ZFAND2B: variants seen among roughly 807,000 people sequenced by gnomAD.
ZFAND2B encodes zinc finger AN1-type containing 2B.
ZFAND2B carries 27 observed loss-of-function variants against 38.2 expected under a neutral mutation model. That is an observed-to-expected ratio of 0.71 (90% CI 0.52 to 0.97). ZFAND2B has a LOEUF of 0.97. ZFAND2B is among the 50% of genes least tolerant of loss of function. The pLI, the probability that ZFAND2B is intolerant of heterozygous loss-of-function variation, is 0.00. For synonymous variants in ZFAND2B, 111 were observed against 119.4 expected (o/e 0.93, Z 0.46); for missense variants, 303 against 331.5 (o/e 0.91, Z 0.67).
In ZFAND2B at chr2:219,206,790, G is replaced by A; in HGVS notation, c.-198G>A. On this transcript the variant is annotated 5_prime_UTR_variant, in exon 1 of 9. Transcript: ENST00000289528. Reference sequence around the variant, plus strand: ...CAGCCCTGCGGGATGACGTCAGCGCGCCGCGCGCGCCGAGGGAGGAGCGGG... The same window carrying A: ...CAGCCCTGCGGGATGACGTCAGCGCACCGCGCGCGCCGAGGGAGGAGCGGG... 2.1e-6 allele frequency: 1 copy of A among 477,886 alleles called. No homozygotes were observed. Among genetic ancestry groups the A allele is most frequent in the Non-Finnish European group, 3.5e-6 (1 of 283,360 alleles). The allele number at this position is 477,886 out of a possible 1,614,324, so 29.6% of individuals were successfully genotyped here.
chr2:219,207,573 A>G, intron 2 of ZFAND2B, 75 bp from the exon 3 acceptor site: 1 of 1,602,042 alleles, frequency 6.2e-7, no homozygotes, highest in African/African-American at 1.3e-5. Context: ...GGTGGGTCAT[A>G]TCCAAGTTCT....
At chr2:219,207,297 T>G (rs1225486757) in intron 1 of ZFAND2B, 30 bp from the exon 2 acceptor site, 2 of 1,602,540 alleles carry the variant, frequency 1.2e-6, no homozygotes, top group Admixed American at 1.7e-5. Flanking sequence ...GAGGTCCCGC[T>G]GGACCTGCAA....
intron 1 of ZFAND2B, 63 bp downstream of exon 1, chr2:219,207,105 G>T: frequency 1.4e-6 from 2 of 1,420,824 alleles, no homozygotes; most frequent in Non-Finnish European, 9.6e-7. Context: ...CGCAGGTTGG[G>T]AGGGAAGGGT....
At chr2:219,207,163 GGGGT>G (rs1950497550) in intron 1 of ZFAND2B, 121 bp downstream of exon 1, 1 of 1,253,548 alleles carries the variant, frequency 8.0e-7, no homozygotes, top group Non-Finnish European at 1.1e-6. Flanking sequence ...AAGCTGGGGG[GGGGT>G]GGTCAGCGGC....
In ZFAND2B at chr2:219,206,790, G is replaced by C. The variant is rs2106413230; in HGVS notation, c.-198G>C. ...CAGCCCTGCGGGATGACGTCAGCGC[G>C]CCGCGCGCGCCGAGGGAGGAGCGGG... On this transcript the variant is annotated 5_prime_UTR_variant, in exon 1 of 9. Coordinates refer to ENST00000289528, the MANE Select transcript of ZFAND2B (RefSeq NM_138802.3). 2 of 477,886 alleles carry C rather than the reference G, an allele frequency of 4.2e-6. No individual in the cohort carries two copies. Among genetic ancestry groups the C allele is most frequent in the South Asian group, 4.5e-5 (1 of 22,304 alleles). The allele number at this position is 477,886 out of a possible 1,614,324, so 29.6% of individuals were successfully genotyped here.
Position 219,207,431 on chromosome 2 carries a change from C to T in ZFAND2B, c.150+10C>T. ...ATCTGCTTACCAAAAGGTGAGGGGG[C>T]GATCCTCAGGGTGAAAGCAGGCAGA... is the stretch of plus-strand genomic sequence containing the variant. On this transcript the variant is annotated intron_variant, in intron 2 of 8. Transcript: ENST00000289528. 2.5e-6 allele frequency: 4 copies of T among 1,606,924 alleles called. No homozygotes were observed. The highest frequency in any genetic ancestry group is 1.3e-5 in the African/African-American group (1 of 74,896).
In ZFAND2B at chr2:219,208,496, G is replaced by A. The variant is rs374781029; in HGVS notation, c.588+10G>A. ...TTTGCAGAATGGCCTGGTGAGTTGG[G>A]CAGAGGTTGGATGGACAGAAACAAA... On this transcript the variant is annotated intron_variant, in intron 6 of 8. Transcript: ENST00000289528. 19 of 1,614,156 alleles carry A rather than the reference G, an allele frequency of 1.2e-5. No homozygotes were observed. Among genetic ancestry groups the A allele is most frequent in the Non-Finnish European group, 1.5e-5 (18 of 1,180,060 alleles).
At chr2:219,208,522 C>T (rs372843631) in intron 6 of ZFAND2B, 36 bp downstream of exon 6, 2 of 1,614,104 alleles carry the variant, frequency 1.2e-6, no homozygotes, top group South Asian at 1.1e-5. Context: ...CAGAAACAAA[C>T]ACACAGAGAG....
chr2:219,206,902 C>A lies in ZFAND2B; in HGVS notation c.-86C>A. On this transcript the variant is annotated 5_prime_UTR_variant, in exon 1 of 9. Transcript: ENST00000289528. The stretch of plus-strand genomic sequence containing the variant: ...GCGGGGCAGGGAGCCCGCCAGAGTG[C>A]GGGGTCGCGGTGCGGACTTCGAGCA... 6.9e-7 allele frequency: 1 copy of A among 1,443,866 alleles called. No individual in the cohort carries two copies. Among genetic ancestry groups the A allele is most frequent in the Non-Finnish European group, 9.5e-7 (1 of 1,052,614 alleles). The allele number at this position is 1,443,866 out of a possible 1,614,324, so 89.4% of individuals were successfully genotyped here. A position where few individuals can be genotyped will look rare whatever the true frequency, so the allele number is the denominator to read the frequency against.
At chr2:219,207,065 G>A (rs771167879) in intron 1 of ZFAND2B, 23 bp downstream of exon 1, 2 of 1,590,736 alleles carry the variant, frequency 1.3e-6, no homozygotes, top group Non-Finnish European at 1.7e-6. Flanking sequence ...GCGCGCGGGG[G>A]GCGGGGCCCA....
At chr2:219,209,182 T>A in intron 8 of ZFAND2B, 80 bp from the exon 9 acceptor site, 1 of 1,570,882 alleles carries the variant, frequency 6.4e-7, no homozygotes, top group Non-Finnish European at 8.7e-7. Context: ...CAGCCCATGC[T>A]GAGCTCTGAA....
intron 7 of ZFAND2B, 51 bp from the exon 8 acceptor site, chr2:219,208,926 T>C: frequency 6.3e-7 from 1 of 1,593,102 alleles, no homozygotes; most frequent in East Asian, 2.2e-5. Context: ...GATCAGATGT[T>C]CAAATTTCAG....
Position 219,207,582 on chromosome 2 carries a change from C to T in ZFAND2B, c.151-66C>T, listed in dbSNP as rs146363839. 1,936 of 1,602,588 alleles carry T rather than the reference C, an allele frequency of 1.2e-3. 17 individuals are homozygous for T. The African/African-American group carries it at 0.017, about 14-fold the overall frequency. ...GTTTGTGGTGGGTCATATCCAAGTT[C>T]TTTCAGGACCAGAGATTTGTTGGAC... is the stretch of plus-strand genomic sequence containing the variant. On this transcript the variant is annotated intron_variant, in intron 2 of 8. Transcript: ENST00000289528.
intron 3 of ZFAND2B, 21 bp downstream of exon 3, chr2:219,207,800 C>A (rs1326164223): frequency 6.2e-7 from 1 of 1,613,790 alleles, no homozygotes; most frequent in African/African-American, 1.3e-5. Context: ...TAGGGGTCAG[C>A]CACAACCCAG....
At chr2:219,207,136 C>T (rs1348938923) in intron 1 of ZFAND2B, 94 bp downstream of exon 1, 27 of 807,592 alleles carry the variant, frequency 3.3e-5, no homozygotes, top group Admixed American at 2.1e-4. Flanking sequence ...GCTGGCAATG[C>T]CGGGGGGCGG....
At chr2:219,207,614 G>C in intron 2 of ZFAND2B, 34 bp from the exon 3 acceptor site, 5 of 1,610,412 alleles carry the variant, frequency 3.1e-6, no homozygotes, top group Non-Finnish European at 2.5e-6. Flanking sequence ...GGACTGGAGT[G>C]GGCCACAGAC....
chr2:219,206,919 C>A lies in ZFAND2B; in HGVS notation c.-69C>A. On this transcript the variant is annotated 5_prime_UTR_variant, in exon 1 of 9. Transcript: ENST00000289528. Reference sequence around the variant, plus strand: ...CCAGAGTGCGGGGTCGCGGTGCGGACTTCGAGCACGAGCCCTAAAGACGCT... The same window carrying A: ...CCAGAGTGCGGGGTCGCGGTGCGGAATTCGAGCACGAGCCCTAAAGACGCT... 1 of 1,554,434 alleles carries A rather than the reference C, an allele frequency of 6.4e-7. No individual in the cohort carries two copies. Among genetic ancestry groups the A allele is most frequent in the Non-Finnish European group, 8.8e-7 (1 of 1,140,164 alleles).
chr2:219,208,090 T>C (rs1338863534), intron 4 of ZFAND2B, 52 bp downstream of exon 4: 1 of 1,612,704 alleles, frequency 6.2e-7, no homozygotes, highest in East Asian at 2.2e-5. Context: ...CTTTTGGAAC[T>C]GACTCAAGCT....
chr2:219,206,874 G>T lies in ZFAND2B; in HGVS notation c.-114G>T. ...ACCCGGGCTGGGCGGGGGAGAGGAA[G>T]GGGCGGGGCAGGGAGCCCGCCAGAG... On this transcript the variant is annotated 5_prime_UTR_variant, in exon 1 of 9. It adds an upstream start codon to the 5' untranslated region. Transcript: ENST00000289528. 1.7e-6 allele frequency: 2 copies of T among 1,187,506 alleles called. No individual in the cohort carries two copies. The highest frequency in any genetic ancestry group is 2.3e-6 in the Non-Finnish European group (2 of 855,230). 73.6% of individuals were successfully genotyped at this position (1,187,506 alleles called of 1,614,324 possible).
Sources: gnomAD v4.1 joint callset for allele counts on GRCh38, gnomAD v4.1.1 for gene constraint, MANE v1.5 for transcripts, NCBI Gene and HGNC (gene_info 2026-07-23, HGNC 2026-07-21) for gene names.